EGFR: variants seen among roughly 807,000 people sequenced by gnomAD.
EGFR encodes the protein avian erythroblastic leukemia viral (v-erb-b) oncogene homolog.
Under a neutral mutation model 143.0 loss-of-function variants are expected in EGFR, and 58 were observed. The observed-to-expected ratio is 0.41, with a 90% CI of 0.33 to 0.50. The LOEUF is 0.50. Ranked by LOEUF, EGFR falls within the 20% of genes least tolerant of loss-of-function variation. The pLI is 0.39. For missense variants in EGFR, 1,307 were observed against 1,579.0 expected (o/e 0.83, Z 2.92); for synonymous variants, 613 against 594.4 (o/e 1.03, Z -0.45).
At position 55,156,841 on chromosome 7, in the gene EGFR, T is replaced by C. The variant is rs2128938820; in HGVS notation, c.1207+9T>C. 6.2e-7 allele frequency: 1 copy of C among 1,614,232 alleles called. No individual in the cohort carries two copies. The highest frequency in any genetic ancestry group is 8.5e-7 in the Non-Finnish European group (1 of 1,180,034). On this transcript the variant is annotated intron_variant, in intron 10 of 27. Transcript: ENST00000275493. ...CGTAAAGGAAATCACAGGTTTGAGC[T>C]GAATTATCACATGAATATAAATGGG...
At chr7:55,081,759 A>T (rs1394083310) in intron 1 of EGFR, among the ~76,000 whole-genome samples, 1 of 151,754 alleles carries the variant, frequency 6.6e-6, no homozygotes. Flanking sequence ...TCTCTCTCCA[A>T]AACGTGCTGT....
intron 1 of EGFR, among the ~76,000 whole-genome samples, chr7:55,052,673 C>G (rs1788557549): frequency 6.6e-6 from 1 of 152,184 alleles, no homozygotes. Flanking sequence ...CCATCACTTG[C>G]ATCAGCATCT....
chr7:55,122,370 A>AG (rs1217675541), intron 1 of EGFR, among the ~76,000 whole-genome samples: 2 of 152,172 alleles, frequency 1.3e-5, no homozygotes, highest in African/African-American at 4.8e-5. Context: ...CAACCTGCAA[A>AG]GTCCATGCCT....
In EGFR at chr7:55,019,367, TA is replaced by T; in HGVS notation, c.88+4del. 1 of 1,486,112 alleles carries T rather than the reference TA, an allele frequency of 6.7e-7. No homozygotes were observed. The highest frequency in any genetic ancestry group is 9.0e-7 in the Non-Finnish European group (1 of 1,109,968). 92.1% of individuals were successfully genotyped at this position (1,486,112 alleles called of 1,614,324 possible). On this transcript the variant is annotated splice_donor_region_variant and intron_variant, in intron 1 of 27. Transcript: ENST00000275493. ...GTCGGGCTCTGGAGGAAAAGAAAGG[TA>T]AGGGCGTGTCTCGCCGGCTCCCGCG...
chr7:55,182,315 G>A (rs887740551), intron 20 of EGFR: 2 of 152,554 alleles, frequency 1.3e-5, no homozygotes, highest in Non-Finnish European at 2.9e-5. Context: ...AGCAGGGCAG[G>A]GGGTCCAGAG....
intron 1 of EGFR, among the ~76,000 whole-genome samples, chr7:55,127,607 G>A (rs563433115): frequency 2.5e-4 from 38 of 152,300 alleles, no homozygotes; most frequent in African/African-American, 8.9e-4. Flanking sequence ...CTGTTCAACA[G>A]CATAGAAATT....
chr7:55,029,361 G>C (rs190399418), intron 1 of EGFR, among the ~76,000 whole-genome samples: 8 of 152,216 alleles, frequency 5.3e-5, no homozygotes, highest in Admixed American at 2.0e-4. Context: ...TTATGAGTGA[G>C]AATAGTGTAT....
chr7:55,115,614 T>C (rs1792792142), intron 1 of EGFR, among the ~76,000 whole-genome samples: 1 of 152,176 alleles, frequency 6.6e-6, no homozygotes, highest in African/African-American at 2.4e-5. Flanking sequence ...CCTGAAGGTA[T>C]AGTGAAATTT....
At chr7:55,108,348 G>T (rs969781222) in intron 1 of EGFR, among the ~76,000 whole-genome samples, 28 of 152,360 alleles carry the variant, frequency 1.8e-4, no homozygotes, top group African/African-American at 6.0e-4. Flanking sequence ...TGCCCTGGGT[G>T]CCGGTGTGCA....
At chr7:55,044,940 A>C (rs1788103463) in intron 1 of EGFR, among the ~76,000 whole-genome samples, 1 of 151,376 alleles carries the variant, frequency 6.6e-6, no homozygotes, top group Non-Finnish European at 1.5e-5. Context: ...TTTGTTGTTT[A>C]CGTGGCCCTG....
At chr7:55,165,587 G>T in intron 15 of EGFR, 150 bp downstream of exon 15, 2 of 1,092,560 alleles carry the variant, frequency 1.8e-6, no homozygotes, top group Non-Finnish European at 2.6e-6. Flanking sequence ...CATGCCAGTA[G>T]CAACTTGCTT....
intron 1 of EGFR, among the ~76,000 whole-genome samples, chr7:55,123,226 C>T (rs1793316577): frequency 6.6e-6 from 1 of 152,176 alleles, no homozygotes; most frequent in Admixed American, 6.5e-5. Flanking sequence ...ACAGACCTTT[C>T]CTGGTACAAC....
At chr7:55,110,378 T>C (rs1296136167) in intron 1 of EGFR, among the ~76,000 whole-genome samples, 3 of 152,218 alleles carry the variant, frequency 2.0e-5, no homozygotes, top group African/African-American at 7.2e-5. Context: ...CAGAAGCATG[T>C]ATCCAGGTTG....
chr7:55,185,748 G>A (rs1344962941), intron 20 of EGFR, among the ~76,000 whole-genome samples: 1 of 152,136 alleles, frequency 6.6e-6, no homozygotes, highest in Non-Finnish European at 1.5e-5. Context: ...GTAGCGGTGG[G>A]GCAGGGTTCT....
rs1227073582 is a variant in EGFR at position 55,202,514 on chromosome 7, C to T, written c.3163-3C>T. 1 of 1,603,406 alleles carries T rather than the reference C, an allele frequency of 6.2e-7. No individual in the cohort carries two copies. Among genetic ancestry groups the T allele is most frequent in the South Asian group, 1.1e-5 (1 of 89,074 alleles). On this transcript the variant is annotated splice_region_variant and splice_polypyrimidine_tract_variant and intron_variant, in intron 26 of 27. Transcript: ENST00000275493. Reference sequence around the variant, plus strand: ...AGTAACCTTCCCTCATTTCCTCCTGCAGCTGCAAAGCTGTCCCATCAAGGA... The same window carrying T: ...AGTAACCTTCCCTCATTTCCTCCTGTAGCTGCAAAGCTGTCCCATCAAGGA...
intron 2 of EGFR, 51 bp downstream of exon 2, chr7:55,142,488 G>A (rs2128926552): frequency 6.2e-7 from 1 of 1,605,450 alleles, no homozygotes; most frequent in Non-Finnish European, 8.5e-7. Flanking sequence ...AAATCTAAGT[G>A]GAGAAAGGCC....
At chr7:55,150,192 A>G (rs775386117) in intron 4 of EGFR, among the ~76,000 whole-genome samples, 44 of 152,260 alleles carry the variant, frequency 2.9e-4, no homozygotes, top group Non-Finnish European at 4.6e-4. Flanking sequence ...AAATTTGAAA[A>G]TTATATGTGA....
At chr7:55,140,597 C>T (rs999751075) in intron 1 of EGFR, among the ~76,000 whole-genome samples, 26 of 152,324 alleles carry the variant, frequency 1.7e-4, no homozygotes, top group African/African-American at 6.3e-4. Context: ...TAGCCGACAA[C>T]CACACAATTG....
At chr7:55,020,682 T>C (rs576099275) in intron 1 of EGFR, among the ~76,000 whole-genome samples, 1 of 151,872 alleles carries the variant, frequency 6.6e-6, no homozygotes, top group East Asian at 1.9e-4. Flanking sequence ...TAAACCCACT[T>C]GACAGGGGAA....
Sources: gnomAD v4.1 joint callset for allele counts (sites outside exome capture counted in the v4.1 genomes callset) on GRCh38, gnomAD v4.1.1 for gene constraint, MANE v1.5 for transcripts, NCBI Gene and HGNC (gene_info 2026-07-23, HGNC 2026-07-21) for gene names.